Variants in BCL2L12 observed in about 807,000 individuals in gnomAD.
BCL2L12 encodes BCL2 like 12, also known as bcl-2-like protein 12.
Under a neutral mutation model 25.7 loss-of-function variants are expected in BCL2L12, and 27 were observed. That is an observed-to-expected ratio of 1.05 (90% CI 0.78 to 1.45). BCL2L12 has a LOEUF of 1.45. Ranked by LOEUF, BCL2L12 falls within the 40% of genes most tolerant of loss-of-function variation. The pLI is 0.00. For missense variants in BCL2L12, 302 were observed against 329.8 expected (o/e 0.92, Z 0.65); for synonymous variants, 132 against 145.6 (o/e 0.91, Z 0.67).
At chr19:49,669,842 A>G (rs1196989331) in intron 5 of BCL2L12, among the ~76,000 whole-genome samples, 1 of 152,056 alleles carries the variant, frequency 6.6e-6, no homozygotes, top group African/African-American at 2.4e-5. Context: ...TTGGCTTCGG[A>G]GCTTGGACAA....
intron 2 of BCL2L12, 89 bp from the exon 3 acceptor site, chr19:49,666,930 G>A (rs754206878): frequency 2.7e-5 from 41 of 1,545,792 alleles, no homozygotes; most frequent in Non-Finnish European, 3.2e-5. Context: ...TTGGAGAGAG[G>A]TCCTCAGCGG....
At chr19:49,668,048 G>A (rs2089940670) in intron 3 of BCL2L12, among the ~76,000 whole-genome samples, 1 of 151,046 alleles carries the variant, frequency 6.6e-6, no homozygotes, top group Non-Finnish European at 1.5e-5. Context: ...CCAAAATGTT[G>A]AGATTGCAGA....
chr19:49,669,588 G>A (rs923113203), intron 5 of BCL2L12, among the ~76,000 whole-genome samples: 3 of 151,596 alleles, frequency 2.0e-5, no homozygotes, highest in Non-Finnish European at 4.4e-5. Flanking sequence ...GGTTAGGGTA[G>A]TACTGTACCG....
intron 1 of BCL2L12, 47 bp downstream of exon 1, chr19:49,666,114 G>T (rs1014467155): frequency 2.0e-6 from 3 of 1,518,084 alleles, no homozygotes; most frequent in Non-Finnish European, 2.7e-6. Flanking sequence ...GAAGAGGAGG[G>T]GGCCGGGATC....
chr19:49,665,732 G>C (rs1302881491), upstream of BCL2L12: 3 of 1,484,508 alleles, frequency 2.0e-6, no homozygotes, highest in South Asian at 1.3e-5. Flanking sequence ...TTTCCCGTCA[G>C]CTGAGCTCTA....
At position 49,669,096 on chromosome 19, in the gene BCL2L12, C is replaced by T; in HGVS notation, c.410C>T (p.Ala137Val). The T allele has an allele frequency of 6.2e-7, 1 of 1,614,062 alleles. No homozygotes were observed. The change falls in exon 5 of 7, where the codon GCA becomes GTA. Residue 137 changes from alanine to valine, a missense_variant. Transcript: ENST00000246784. ...CTGGTGGCCCTGCTGGAGGAGGAGG[C>T]AGAAGTCATTAACCAGAAGGTGATG... is the stretch of plus-strand genomic sequence containing the variant. ...RRLVALLEEE[A>V]EVINQKLASD...
intron 6 of BCL2L12, 140 bp downstream of exon 6, chr19:49,670,628 C>T: frequency 8.3e-7 from 1 of 1,200,194 alleles, no homozygotes; most frequent in Non-Finnish European, 1.1e-6. Flanking sequence ...TGAGCCCTTG[C>T]TGTATGCCAG....
intron 4 of BCL2L12, 36 bp downstream of exon 4, chr19:49,668,973 T>C (rs773415115): frequency 1.2e-6 from 2 of 1,613,696 alleles, no homozygotes; most frequent in Middle Eastern, 1.6e-4. Flanking sequence ...AGGATGGCGG[T>C]GGGAGGATAG....
chr19:49,670,756 G>T (rs1293079653), intron 6 of BCL2L12, among the ~76,000 whole-genome samples: 1 of 152,206 alleles, frequency 6.6e-6, no homozygotes, highest in Non-Finnish European at 1.5e-5. Flanking sequence ...GGTAGCTCAT[G>T]CCTGTAATCC....
At position 49,669,141 on chromosome 19, in the gene BCL2L12, G is replaced by T. The variant is rs372061973; in HGVS notation, c.429+26G>T. The T allele has an allele frequency of 3.7e-6, 6 of 1,611,024 alleles. No homozygotes were observed. In the South Asian group the frequency reaches 6.6e-5, roughly 18 times the overall value. On this transcript the variant is annotated intron_variant, in intron 5 of 6. Coordinates refer to ENST00000246784, the MANE Select transcript of BCL2L12 (RefSeq NM_138639.2). Reference sequence around the variant, plus strand: ...GTGATGGGCATCTGTCCCACTCCTTGGCAAGGACAGGAGTTGCGGAATGGT... The same window carrying T: ...GTGATGGGCATCTGTCCCACTCCTTTGCAAGGACAGGAGTTGCGGAATGGT...
At chr19:49,671,879 G>A (rs1249241400) in intron 6 of BCL2L12, among the ~76,000 whole-genome samples, 1 of 152,082 alleles carries the variant, frequency 6.6e-6, no homozygotes, top group Non-Finnish European at 1.5e-5. Flanking sequence ...GCCTTCCCAG[G>A]TCCCCATTGA....
chr19:49,668,974 G>GGGA, intron 4 of BCL2L12, 37 bp downstream of exon 4: 1 of 1,613,960 alleles, frequency 6.2e-7, no homozygotes. Context: ...GGATGGCGGT[G>GGGA]GGAGGATAGT....
At position 49,670,366 on chromosome 19, in the gene BCL2L12, GC is replaced by G. The variant is rs2081934172; in HGVS notation, c.583del (p.Arg195AlafsTer4). Reference protein sequence around the residue: ...GPPPPSPEPLARLALAMELSR... With the variant: ...GPPPPSPEPLXRLALAMELSR... ...CCCGCCTCCTTCCCCGGAGCCCCTGGCCCGCCTGGCCCTAGCCATGGAGCTG... is the reference window on the plus strand; with the variant it reads ...CCCGCCTCCTTCCCCGGAGCCCCTGGCCGCCTGGCCCTAGCCATGGAGCTG... On this transcript the variant is annotated frameshift_variant, in exon 6 of 7. Coordinates refer to ENST00000246784, the MANE Select transcript of BCL2L12 (RefSeq NM_138639.2). LOFTEE classifies it high-confidence loss of function. 4 of 1,582,738 alleles carry G rather than the reference GC, an allele frequency of 2.5e-6. No individual in the cohort carries two copies. Among genetic ancestry groups the G allele is most frequent in the Admixed American group, 1.8e-5 (1 of 55,896 alleles).
chr19:49,667,173 C>G lies in BCL2L12; in HGVS notation c.250+12C>G, dbSNP rs200531303. On this transcript the variant is annotated intron_variant, in intron 3 of 6. Transcript: ENST00000246784. ...TGGTTTAGAGCCTGGTAAGAGATTT[C>G]CATGATCATCTATGAAGCCGGCAGA... is the stretch of plus-strand genomic sequence containing the variant. The G allele has an allele frequency of 1.1e-5, 18 of 1,607,056 alleles. No individual in the cohort carries two copies. The highest frequency in any genetic ancestry group is 1.5e-5 in the Non-Finnish European group (18 of 1,174,390).
intron 1 of BCL2L12, among the ~76,000 whole-genome samples, 155 bp downstream of exon 1, chr19:49,666,222 C>A (rs563248875): frequency 6.6e-6 from 1 of 152,356 alleles, no homozygotes; most frequent in African/African-American, 2.4e-5. Flanking sequence ...CACCTCACAG[C>A]AGGCTGCGCG....
At chr19:49,670,550 G>C in intron 6 of BCL2L12, 62 bp downstream of exon 6, 1 of 1,511,586 alleles carries the variant, frequency 6.6e-7, no homozygotes, top group Non-Finnish European at 8.8e-7. Context: ...TGATAGAGGA[G>C]GGGCGGGGAC....
rs370777320 is a variant in BCL2L12 at position 49,667,130 on chromosome 19, G to C, written c.219G>C (p.Leu73=). ...APSESPRPCS[L]PIRPCYGLEP... is the part of the protein sequence containing the mutation. ...CTGAGTCCCCTCGGCCTTGCTCTCT[G>C]CCCATCCGCCCCTGCTATGGTTTAG... The change falls in exon 3 of 7, where the codon CTG becomes CTC. Residue 73 remains leucine (L), a synonymous_variant. Coordinates refer to ENST00000246784, the MANE Select transcript of BCL2L12 (RefSeq NM_138639.2). The C allele has an allele frequency of 2.5e-6, 4 of 1,613,850 alleles. No individual in the cohort carries two copies. In the African/African-American group the frequency reaches 5.3e-5, roughly 22 times the overall value.
At chr19:49,671,933 CTTCCTGCTTTACTT>C (rs1462618870) in intron 6 of BCL2L12, among the ~76,000 whole-genome samples, 4 of 152,220 alleles carry the variant, frequency 2.6e-5, no homozygotes, top group Non-Finnish European at 4.4e-5. Flanking sequence ...CTCCTTCCCC[CTTCCTGCTTTACTT>C]TTCCTTCCAT....
chr19:49,668,415 A>C (rs1231888782), intron 3 of BCL2L12, among the ~76,000 whole-genome samples: 1 of 152,028 alleles, frequency 6.6e-6, no homozygotes, highest in Non-Finnish European at 1.5e-5. Flanking sequence ...CTGACATTCT[A>C]AGTCCAGTCT....
Sources: allele counts gnomAD v4.1 joint callset (sites outside exome capture counted in the v4.1 genomes callset), GRCh38; gene constraint gnomAD v4.1.1; transcripts MANE v1.5; gene names NCBI Gene and HGNC (gene_info 2026-07-23, HGNC 2026-07-21).